The following TMTC2 variants were observed in gnomAD, a reference collection of about 807,000 sequenced individuals.
The protein encoded by TMTC2 is transmembrane O-mannosyltransferase targeting cadherins 2.
TMTC2 carries 43 observed loss-of-function variants against 82.4 expected under a neutral mutation model. The observed-to-expected ratio is 0.52, with a 90% CI of 0.41 to 0.67. The LOEUF (loss-of-function observed/expected upper bound fraction) is 0.67, where lower values mean the gene tolerates loss of function less well. Ranked by LOEUF, TMTC2 falls within the 30% of genes least tolerant of loss-of-function variation. The pLI, the probability that TMTC2 is intolerant of heterozygous loss-of-function variation, is 0.00. For synonymous variants in TMTC2, 408 were observed against 381.9 expected (o/e 1.07, Z -0.80); for missense variants, 919 against 1,012.4 (o/e 0.91, Z 1.25).
At chr12:83,098,745 A>G (rs1181926871) in intron 11 of TMTC2, among the ~76,000 whole-genome samples, 1 of 152,084 alleles carries the variant, frequency 6.6e-6, no homozygotes, top group Non-Finnish European at 1.5e-5. Context: ...TGCAACTCTC[A>G]TTACATCCTG....
At chr12:82,918,246 T>C (rs762315574) in intron 3 of TMTC2, among the ~76,000 whole-genome samples, 7 of 152,192 alleles carry the variant, frequency 4.6e-5, no homozygotes, top group Non-Finnish European at 1.0e-4. Flanking sequence ...CAATTCTTAG[T>C]AGATATATTA....
intron 3 of TMTC2, among the ~76,000 whole-genome samples, chr12:82,913,335 G>T (rs1270578890): frequency 6.6e-6 from 1 of 152,062 alleles, no homozygotes; most frequent in Non-Finnish European, 1.5e-5. Flanking sequence ...TCATACTTTG[G>T]TTTTGGCTTT....
At chr12:83,058,279 A>G (rs1004386389) in intron 10 of TMTC2, among the ~76,000 whole-genome samples, 1 of 151,836 alleles carries the variant, frequency 6.6e-6, no homozygotes, top group African/African-American at 2.4e-5. Context: ...CTGAGAGTAT[A>G]TTTTCACTGA....
intron 11 of TMTC2, among the ~76,000 whole-genome samples, chr12:83,106,151 G>A (rs1252636452): frequency 6.6e-6 from 1 of 152,118 alleles, no homozygotes; most frequent in East Asian, 1.9e-4. Context: ...ATATGAAAGA[G>A]AAGTTAAGGA....
chr12:82,838,123 C>A (rs1462700930), intron 1 of TMTC2, among the ~76,000 whole-genome samples: 1 of 152,154 alleles, frequency 6.6e-6, no homozygotes, highest in Non-Finnish European at 1.5e-5. Flanking sequence ...TATCCTTCTT[C>A]TCCCCTCCCT....
chr12:82,885,178 C>T (rs1304512670), intron 2 of TMTC2, among the ~76,000 whole-genome samples: 1 of 151,670 alleles, frequency 6.6e-6, no homozygotes, highest in Non-Finnish European at 1.5e-5. Flanking sequence ...GCTGGGATTG[C>T]AGGTGTGAGC....
intron 1 of TMTC2, among the ~76,000 whole-genome samples, chr12:82,744,365 G>T (rs1274358150): frequency 6.6e-6 from 1 of 152,182 alleles, no homozygotes; most frequent in Non-Finnish European, 1.5e-5. Context: ...AGAGGTTGCA[G>T]TGAGCCAAGA....
At chr12:82,852,809 A>G (rs1871053592) in intron 1 of TMTC2, among the ~76,000 whole-genome samples, 3 of 152,192 alleles carry the variant, frequency 2.0e-5, no homozygotes, top group Admixed American at 2.0e-4. Flanking sequence ...CTTTCTTAAT[A>G]GGATGTTGAG....
intron 9 of TMTC2, among the ~76,000 whole-genome samples, chr12:83,050,576 A>G (rs1403903236): frequency 6.6e-6 from 1 of 152,168 alleles, no homozygotes; most frequent in East Asian, 1.9e-4. Context: ...CATATGCGTC[A>G]GAGACAGGAG....
At chr12:82,897,054 G>T (rs992324782) in intron 3 of TMTC2, among the ~76,000 whole-genome samples, 3 of 152,076 alleles carry the variant, frequency 2.0e-5, no homozygotes, top group Non-Finnish European at 4.4e-5. Context: ...TCCAAGCATC[G>T]CCTGAGGAAA....
chr12:82,687,709 C>G, intron 1 of TMTC2, 40 bp downstream of exon 1: 2 of 1,566,556 alleles, frequency 1.3e-6, no homozygotes, highest in Non-Finnish European at 1.7e-6. Flanking sequence ...CTGCAGGGGG[C>G]ACACTCCGCA....
chr12:82,908,844 A>C (rs2137205010), intron 3 of TMTC2, among the ~76,000 whole-genome samples: 1 of 152,270 alleles, frequency 6.6e-6, no homozygotes, highest in African/African-American at 2.4e-5. Flanking sequence ...TAGTTTTGGA[A>C]AGAGCCAAAT....
At chr12:83,077,880 CTTTTTTTTTT>C (rs751044763) in intron 11 of TMTC2, among the ~76,000 whole-genome samples, 1 of 92,964 alleles carries the variant, frequency 1.1e-5, no homozygotes, top group Non-Finnish European at 2.0e-5. Context: ...GACAATCTGT[CTTTTTTTTTT>C]TTTTTTTTTT....
chr12:83,076,384 C>G (rs1203204413), intron 11 of TMTC2, among the ~76,000 whole-genome samples: 2 of 152,162 alleles, frequency 1.3e-5, no homozygotes, highest in Non-Finnish European at 2.9e-5. Context: ...CTGATTCCAA[C>G]ATATTTCTTT....
intron 1 of TMTC2, among the ~76,000 whole-genome samples, chr12:82,711,212 C>T (rs144988051): frequency 4.6e-5 from 7 of 152,226 alleles, no homozygotes; most frequent in Non-Finnish European, 7.4e-5. Flanking sequence ...TAGTTGGAAG[C>T]GTAGTAAGGT....
intron 7 of TMTC2, among the ~76,000 whole-genome samples, chr12:82,967,977 C>T (rs1592664024): frequency 6.6e-6 from 1 of 151,940 alleles, no homozygotes; most frequent in South Asian, 2.1e-4. Flanking sequence ...GAAAAAAATC[C>T]CAAACCTCTC....
intron 1 of TMTC2, among the ~76,000 whole-genome samples, chr12:82,706,056 C>G (rs1004430989): frequency 4.6e-5 from 7 of 152,046 alleles, no homozygotes; most frequent in African/African-American, 1.7e-4. Context: ...TGCCTGTATT[C>G]CCAGCACCCT....
chr12:82,866,212 A>G (rs1408791331), intron 2 of TMTC2, among the ~76,000 whole-genome samples: 1 of 151,506 alleles, frequency 6.6e-6, no homozygotes, highest in Non-Finnish European at 1.5e-5. Context: ...TGAAAAAATC[A>G]ATGAATCCAG....
chr12:83,011,757 A>G (rs2137387468), intron 8 of TMTC2, among the ~76,000 whole-genome samples: 1 of 152,340 alleles, frequency 6.6e-6, no homozygotes, highest in South Asian at 2.1e-4. Context: ...TTCATAAAAT[A>G]GTTCCTCATT....
Sources: allele counts gnomAD v4.1 joint callset (sites outside exome capture counted in the v4.1 genomes callset), GRCh38; gene constraint gnomAD v4.1.1; transcripts MANE v1.5; gene names NCBI Gene and HGNC (gene_info 2026-07-23, HGNC 2026-07-21).